Variants in FGD5 observed in about 807,000 individuals in gnomAD.
FGD5 encodes FYVE, RhoGEF and PH domain-containing protein 5.
In FGD5, 28 loss-of-function variants were observed where a neutral mutation model predicts 133.4. That is an observed-to-expected ratio of 0.21 (90% CI 0.16 to 0.29). The LOEUF (loss-of-function observed/expected upper bound fraction) is 0.29, where lower values mean the gene tolerates loss of function less well. FGD5 is among the 10% of genes least tolerant of loss of function. The pLI is 1.00. For synonymous variants in FGD5, 810 were observed against 776.5 expected, an observed-to-expected ratio of 1.04 and a Z score of -0.72; for missense variants, 1,858 against 1,895.2, an observed-to-expected ratio of 0.98 and a Z score of 0.36.
At chr3:14,865,258 C>A (rs1575217069) in intron 2 of FGD5, among the ~76,000 whole-genome samples, 1 of 152,232 alleles carries the variant, frequency 6.6e-6, no homozygotes, top group Admixed American at 6.5e-5. Flanking sequence ...CATCCCTCCC[C>A]TTCCAAGCCT....
intron 18 of FGD5, 101 bp from the exon 19 acceptor site, chr3:14,932,476 C>T: frequency 2.2e-6 from 3 of 1,383,466 alleles, no homozygotes; most frequent in Non-Finnish European, 2.9e-6. Flanking sequence ...AAAGCACACC[C>T]CACACAGAGG....
chr3:14,910,424 G>C (rs1009728865), intron 10 of FGD5, among the ~76,000 whole-genome samples: 1 of 152,074 alleles, frequency 6.6e-6, no homozygotes, highest in Non-Finnish European at 1.5e-5. Context: ...TGAGTGTTTT[G>C]TTTTTTGAGA....
intron 11 of FGD5, among the ~76,000 whole-genome samples, chr3:14,912,323 C>A (rs2038464569): frequency 1.3e-5 from 2 of 152,196 alleles, no homozygotes; most frequent in African/African-American, 4.8e-5. Context: ...CCCTCCCTTC[C>A]CTCCCTCCTA....
Position 14,918,837 on chromosome 3 carries a change from C to T in FGD5, c.3569+4C>T, listed in dbSNP as rs759787205. ...CCTGCCTGATGCTGTCTGCGAGGTA[C>T]GGGCAGGTGGAGGGAGGATGGCGCA... On this transcript the variant is annotated splice_donor_region_variant and intron_variant, in intron 13 of 19. Coordinates refer to ENST00000285046, the MANE Select transcript of FGD5 (RefSeq NM_152536.4). 49 of 1,613,624 alleles carry T rather than the reference C, an allele frequency of 3.0e-5. No homozygotes were observed. Among genetic ancestry groups the T allele is most frequent in the Middle Eastern group, 1.6e-4 (1 of 6,084 alleles).
At chr3:14,837,048 G>A (rs1324349743) in intron 1 of FGD5, among the ~76,000 whole-genome samples, 1 of 152,210 alleles carries the variant, frequency 6.6e-6, no homozygotes, top group African/African-American at 2.4e-5. Flanking sequence ...TGACCAGACT[G>A]CAGCAGGGAG....
Position 14,933,544 on chromosome 3 carries a change from T to C in FGD5, c.*377T>C, listed in dbSNP as rs2038933996. ...AAGCTCTTACAGTTTTTACTCATGA[T>C]AAATCTTATCACCTTTCAAAAATTG... On this transcript the variant is annotated 3_prime_UTR_variant, in exon 20 of 20. Coordinates refer to ENST00000285046, the MANE Select transcript of FGD5 (RefSeq NM_152536.4). The C allele has an allele frequency of 4.5e-6, 1 of 220,298 alleles. No individual in the cohort carries two copies. Among genetic ancestry groups the C allele is most frequent in the Admixed American group, 5.2e-5 (1 of 19,318 alleles). The allele number at this position is 220,298 out of a possible 1,614,324, so 13.6% of individuals were successfully genotyped here.
At chr3:14,918,416 G>T (rs543567596) in intron 12 of FGD5, among the ~76,000 whole-genome samples, 3 of 152,226 alleles carry the variant, frequency 2.0e-5, no homozygotes, top group African/African-American at 7.2e-5. Flanking sequence ...TTCCCTTTTG[G>T]AACCAAAGGC....
At chr3:14,883,561 A>G (rs1253632715) in intron 4 of FGD5, among the ~76,000 whole-genome samples, 1 of 152,188 alleles carries the variant, frequency 6.6e-6, no homozygotes, top group African/African-American at 2.4e-5. Flanking sequence ...TCATCTACCC[A>G]TCCAAACAGC....
At chr3:14,827,256 C>T (rs1359465989) in intron 1 of FGD5, among the ~76,000 whole-genome samples, 1 of 150,386 alleles carries the variant, frequency 6.6e-6, no homozygotes, top group Non-Finnish European at 1.5e-5. Context: ...TTTCTGTGGT[C>T]GCAAATTGCC....
intron 18 of FGD5, among the ~76,000 whole-genome samples, chr3:14,929,816 T>G (rs1559510653): frequency 6.6e-6 from 1 of 152,256 alleles, no homozygotes; most frequent in African/African-American, 2.4e-5. Context: ...GTTCATTTTC[T>G]AATGAATGAA....
chr3:14,835,377 G>A (rs2036796906), intron 1 of FGD5, among the ~76,000 whole-genome samples: 2 of 152,146 alleles, frequency 1.3e-5, no homozygotes, highest in Non-Finnish European at 2.9e-5. Flanking sequence ...GTGCATGCCT[G>A]TAGTTCCAGC....
At chr3:14,893,243 T>C (rs554369410) in intron 4 of FGD5, among the ~76,000 whole-genome samples, 3 of 152,238 alleles carry the variant, frequency 2.0e-5, no homozygotes, top group Non-Finnish European at 4.4e-5. Flanking sequence ...GTTTATATAA[T>C]TTGTAAAGAG....
chr3:14,894,653 C>T (rs890811391), intron 4 of FGD5, among the ~76,000 whole-genome samples: 2 of 149,768 alleles, frequency 1.3e-5, no homozygotes, highest in Admixed American at 6.7e-5. Context: ...GTAGCTGAGA[C>T]CACAGGTGCA....
At chr3:14,826,785 CACA>C (rs1490972162) in intron 1 of FGD5, among the ~76,000 whole-genome samples, 4 of 152,282 alleles carry the variant, frequency 2.6e-5, no homozygotes, top group South Asian at 4.1e-4. Context: ...CACACACACA[CACA>C]ACGACTGTTC....
At chr3:14,885,399 T>A (rs951952467) in intron 4 of FGD5, among the ~76,000 whole-genome samples, 2 of 152,108 alleles carry the variant, frequency 1.3e-5, no homozygotes, top group Non-Finnish European at 2.9e-5. Flanking sequence ...AGGGAGTGAT[T>A]GCCTCCAGCA....
In FGD5 at chr3:14,932,988, A is replaced by G. The variant is rs1420112170; in HGVS notation, c.4353-143A>G. 5 of 1,084,534 alleles carry G rather than the reference A, an allele frequency of 4.6e-6. No individual in the cohort carries two copies. The Admixed American group carries it at 8.5e-5, about 18-fold the overall frequency. 67.2% of individuals were successfully genotyped at this position (1,084,534 alleles called of 1,614,324 possible). ...AGGCCTTTTGCTGAATATAGAAAAC[A>G]TGTTTGAGAAACAAATACAATTACG... On this transcript the variant is annotated intron_variant, in intron 19 of 19. Coordinates refer to ENST00000285046, the MANE Select transcript of FGD5 (RefSeq NM_152536.4).
intron 19 of FGD5, 150 bp from the exon 20 acceptor site, chr3:14,932,981 A>G: frequency 9.5e-7 from 1 of 1,051,718 alleles, no homozygotes; most frequent in South Asian, 1.4e-5. Flanking sequence ...TGCTGAATAT[A>G]GAAAACATGT....
At position 14,897,494 on chromosome 3, in the gene FGD5, C is replaced by G. The variant is rs548127230; in HGVS notation, c.2749-15C>G. ...TCCTATCAACCTGTGGGTAACAGACCTTTTGGTGTTTCAGGATTTCCATGG... is the reference window on the plus strand; with the variant it reads ...TCCTATCAACCTGTGGGTAACAGACGTTTTGGTGTTTCAGGATTTCCATGG... On this transcript the variant is annotated splice_polypyrimidine_tract_variant and intron_variant, in intron 4 of 19. Coordinates refer to ENST00000285046, the MANE Select transcript of FGD5 (RefSeq NM_152536.4). The G allele has an allele frequency of 6.3e-7, 1 of 1,598,800 alleles. No homozygotes were observed. Among genetic ancestry groups the G allele is most frequent in the South Asian group, 1.1e-5 (1 of 87,874 alleles).
At chr3:14,897,703 T>C (rs981657072) in intron 5 of FGD5, 34 bp downstream of exon 5, 2 of 1,564,540 alleles carry the variant, frequency 1.3e-6, no homozygotes, top group East Asian at 2.3e-5. Flanking sequence ...GTTCCACTTT[T>C]GTTGCACTGG....
Sources: gnomAD v4.1 joint callset for allele counts (sites outside exome capture counted in the v4.1 genomes callset) on GRCh38, gnomAD v4.1.1 for gene constraint, MANE v1.5 for transcripts, NCBI Gene and HGNC (gene_info 2026-07-23, HGNC 2026-07-21) for gene names.